GALNT17: variants seen among roughly 807,000 people sequenced by gnomAD.
GALNT17 encodes polypeptide N-acetylgalactosaminyltransferase 17, also known as UDP-GalNAc:polypeptide N-acetylgalactosaminyltransferase-like 3.
A neutral mutation model predicts 63.7 loss-of-function variants in GALNT17; 29 were observed. The observed-to-expected ratio is 0.46, with a 90% confidence interval of 0.34 to 0.62. The LOEUF (loss-of-function observed/expected upper bound fraction) is 0.62, where lower values mean the gene tolerates loss of function less well. Ranked by LOEUF, GALNT17 falls within the 20% of genes least tolerant of loss-of-function variation. The pLI is 0.01. For synonymous variants in GALNT17, 305 were observed against 318.3 expected (o/e 0.96, Z 0.45); for missense variants, 603 against 799.6 (o/e 0.75, Z 2.97).
At chr7:71,675,880 C>T (rs1019465619) in intron 8 of GALNT17, among the ~76,000 whole-genome samples, 1 of 151,866 alleles carries the variant, frequency 6.6e-6, no homozygotes, top group African/African-American at 2.4e-5. Context: ...CCCAGCTACT[C>T]GGGAGGCTGA....
chr7:71,630,021 T>C (rs1309500556), intron 6 of GALNT17, among the ~76,000 whole-genome samples: 1 of 151,842 alleles, frequency 6.6e-6, no homozygotes, highest in Non-Finnish European at 1.5e-5. Flanking sequence ...CGTAACTTTG[T>C]GCTGACTCCA....
chr7:71,526,879 G>A (rs1264290407), intron 5 of GALNT17, among the ~76,000 whole-genome samples: 1 of 152,128 alleles, frequency 6.6e-6, no homozygotes, highest in African/African-American at 2.4e-5. Flanking sequence ...GCCCCTCTCA[G>A]TGCCAACTCC....
At chr7:71,619,499 A>T (rs894541266) in intron 6 of GALNT17, among the ~76,000 whole-genome samples, 1 of 152,068 alleles carries the variant, frequency 6.6e-6, no homozygotes, top group Non-Finnish European at 1.5e-5. Flanking sequence ...CCTTGTAGAG[A>T]TCTTTCACCT....
At chr7:71,450,202 C>T (rs1444896640) in intron 5 of GALNT17, among the ~76,000 whole-genome samples, 1 of 147,482 alleles carries the variant, frequency 6.8e-6, no homozygotes, top group Non-Finnish European at 1.5e-5. Flanking sequence ...GTCGCGCGAT[C>T]TCGGCTCACC....
At chr7:71,488,381 A>C (rs983109661) in intron 5 of GALNT17, among the ~76,000 whole-genome samples, 2 of 151,884 alleles carry the variant, frequency 1.3e-5, no homozygotes, top group African/African-American at 4.8e-5. Context: ...GCTGTGGGGA[A>C]TTGTCAAGGA....
intron 1 of GALNT17, among the ~76,000 whole-genome samples, chr7:71,332,228 T>C (rs1791819294): frequency 6.6e-6 from 1 of 152,156 alleles, no homozygotes; most frequent in East Asian, 1.9e-4. Context: ...GATTGCAATT[T>C]TTGCCCCTAG....
chr7:71,146,176 C>T (rs1431159338), intron 1 of GALNT17, among the ~76,000 whole-genome samples: 3 of 152,106 alleles, frequency 2.0e-5, no homozygotes, highest in Non-Finnish European at 4.4e-5. Flanking sequence ...GCTCCCCACG[C>T]CCTGAGTGAC....
chr7:71,372,855 T>C (rs1042905334), intron 2 of GALNT17, among the ~76,000 whole-genome samples: 1 of 152,162 alleles, frequency 6.6e-6, no homozygotes, highest in African/African-American at 2.4e-5. Flanking sequence ...GGGGAAAAGC[T>C]GAAAAATAGT....
chr7:71,306,493 C>A (rs9638620), intron 1 of GALNT17, among the ~76,000 whole-genome samples: 2 of 151,768 alleles, frequency 1.3e-5, no homozygotes, highest in South Asian at 2.1e-4. Flanking sequence ...AGTAATTGTC[C>A]TTTTGTGACT....
At chr7:71,667,152 C>T (rs1790997509) in intron 7 of GALNT17, among the ~76,000 whole-genome samples, 1 of 152,200 alleles carries the variant, frequency 6.6e-6, no homozygotes, top group Non-Finnish European at 1.5e-5. Context: ...TGGAGTGGTG[C>T]CCATTGAGAG....
chr7:71,186,364 A>C (rs1055683726), intron 1 of GALNT17, among the ~76,000 whole-genome samples: 2 of 152,082 alleles, frequency 1.3e-5, no homozygotes, highest in Non-Finnish European at 2.9e-5. Context: ...GCTACTGAAA[A>C]CTTAGTGTAC....
chr7:71,423,435 C>T (rs1401690481), intron 5 of GALNT17, among the ~76,000 whole-genome samples: 1 of 152,140 alleles, frequency 6.6e-6, no homozygotes, highest in East Asian at 1.9e-4. Flanking sequence ...ACCAAACTGA[C>T]TCTAAAATCA....
At chr7:71,433,410 A>G (rs1786903893) in intron 5 of GALNT17, among the ~76,000 whole-genome samples, 1 of 152,262 alleles carries the variant, frequency 6.6e-6, no homozygotes, top group African/African-American at 2.4e-5. Flanking sequence ...GCTTTGGGGT[A>G]GAAGTGATGA....
chr7:71,212,011 A>C (rs1197846119), intron 1 of GALNT17, among the ~76,000 whole-genome samples: 1 of 152,224 alleles, frequency 6.6e-6, no homozygotes, highest in Non-Finnish European at 1.5e-5. Context: ...AGAAATTTGC[A>C]TAAGAAGCAA....
At chr7:71,263,329 A>G (rs1790420878) in intron 1 of GALNT17, among the ~76,000 whole-genome samples, 1 of 152,140 alleles carries the variant, frequency 6.6e-6, no homozygotes, top group Admixed American at 6.5e-5. Flanking sequence ...ACTGCACTCC[A>G]GCCTTGGCCG....
chr7:71,373,285 TTC>T (rs1202356059), intron 2 of GALNT17, among the ~76,000 whole-genome samples: 3 of 152,016 alleles, frequency 2.0e-5, no homozygotes, highest in African/African-American at 4.8e-5. Context: ...GAGAAACAGG[TTC>T]TTTCTTTTAT....
At chr7:71,545,783 T>A (rs1425318083) in intron 5 of GALNT17, among the ~76,000 whole-genome samples, 3 of 152,220 alleles carry the variant, frequency 2.0e-5, no homozygotes, top group African/African-American at 7.2e-5. Flanking sequence ...TCCTCATGTG[T>A]TTATAATATC....
chr7:71,553,420 C>T (rs1285221378), intron 5 of GALNT17, among the ~76,000 whole-genome samples: 1 of 152,014 alleles, frequency 6.6e-6, no homozygotes, highest in African/African-American at 2.4e-5. Context: ...AGGCAGAAGT[C>T]ATTATTATCC....
Position 71,335,715 on chromosome 7 carries a change from C to T in GALNT17, c.404C>T (p.Pro135Leu), listed in dbSNP as rs781701331. 6.9e-6 allele frequency: 11 copies of T among 1,602,706 alleles called. No individual in the cohort carries two copies. Among genetic ancestry groups the T allele is most frequent in the Non-Finnish European group, 9.4e-6 (11 of 1,174,662 alleles). Residue 135 changes from proline to leucine, a missense_variant, in exon 2 of 11, where the codon CCG becomes CTG. Transcript: ENST00000333538. ...AAAATTTCACTGGACCGTTCCATTCCGGATTATCGTCCCACCAAGTAAGTT... is the reference window on the plus strand; with the variant it reads ...AAAATTTCACTGGACCGTTCCATTCTGGATTATCGTCCCACCAAGTAAGTT... ...SEKISLDRSI[P>L]DYRPTKCKEL...
Sources: gnomAD v4.1 joint callset for allele counts (sites outside exome capture counted in the v4.1 genomes callset) on GRCh38, gnomAD v4.1.1 for gene constraint, MANE v1.5 for transcripts, NCBI Gene and HGNC (gene_info 2026-07-23, HGNC 2026-07-21) for gene names.